Variants in NSD2 observed in about 807,000 individuals in gnomAD.
NSD2 encodes the protein nuclear receptor binding SET domain protein 2, also known as histone-lysine N-methyltransferase NSD2.
Under a neutral mutation model 139.0 loss-of-function variants are expected in NSD2, and 12 were observed. The ratio of observed to expected loss-of-function variants is 0.09; its 90% CI spans 0.06 to 0.14. NSD2 has a LOEUF of 0.14. NSD2 is among the 10% of genes least tolerant of loss of function. The probability of loss-of-function intolerance (pLI) is 1.00; values close to 1 mark genes in which losing one functional copy is unlikely to be tolerated. For missense variants in NSD2, 1,155 were observed against 1,745.0 expected (o/e 0.66, Z 6.02); for synonymous variants, 669 against 648.7 (o/e 1.03, Z -0.48).
At chr4:1,927,930 C>A (rs1306535144) in intron 5 of NSD2, among the ~76,000 whole-genome samples, 1 of 151,888 alleles carries the variant, frequency 6.6e-6, no homozygotes, top group Non-Finnish European at 1.5e-5. Flanking sequence ...CTTACTGTTT[C>A]CCAGGCTGGA....
intron 5 of NSD2, among the ~76,000 whole-genome samples, chr4:1,927,534 A>G (rs1721076113): frequency 6.6e-6 from 1 of 152,012 alleles, no homozygotes; most frequent in Non-Finnish European, 1.5e-5. Context: ...CCTGGCCCAC[A>G]TGGTGAAACC....
At position 1,980,644 on chromosome 4, in the gene NSD2, C is replaced by G. The variant is rs1016599667; in HGVS notation, c.*1735C>G. ...CTGCAGGGTCCCACGCCTCCCTGAG[C>G]ACTGACTGGAAGTTTCACTGGCTGG... On this transcript the variant is annotated 3_prime_UTR_variant, in exon 22 of 22. Coordinates refer to ENST00000508803, the MANE Select transcript of NSD2 (RefSeq NM_001042424.3). 3.9e-5 allele frequency: 9 copies of G among 233,216 alleles called. No homozygotes were observed. Among genetic ancestry groups the G allele is most frequent in the Non-Finnish European group, 7.6e-5 (9 of 118,014 alleles). 14.4% of individuals were successfully genotyped at this position (233,216 alleles called of 1,614,324 possible).
chr4:1,941,141 CCTTT>C (rs1327802993), intron 9 of NSD2: 1 of 1,053,994 alleles, frequency 9.5e-7, no homozygotes, highest in Non-Finnish European at 1.1e-6. Flanking sequence ...TTTCCTTTTT[CCTTT>C]CTTTCTTGTC....
At chr4:1,886,665 A>G (rs1577361069) in intron 1 of NSD2, among the ~76,000 whole-genome samples, 1 of 151,988 alleles carries the variant, frequency 6.6e-6, no homozygotes, top group South Asian at 2.1e-4. Context: ...CCCCGTCTCT[A>G]CTAAAATACA....
At chr4:1,947,266 A>C in intron 9 of NSD2, 1 of 1,063,106 alleles carries the variant, frequency 9.4e-7, no homozygotes, top group Non-Finnish European at 1.1e-6. Flanking sequence ...TGACAAGGGC[A>C]GGCCTTGAAT....
intron 17 of NSD2, among the ~76,000 whole-genome samples, chr4:1,960,059 G>A (rs552446858): frequency 1.3e-5 from 2 of 152,120 alleles, no homozygotes; most frequent in African/African-American, 4.8e-5. Flanking sequence ...GGGTCTTGCT[G>A]TGTTGCCCAG....
Position 1,978,999 on chromosome 4 carries a change from AC to A in NSD2, c.*93del, listed in dbSNP as rs1727459908. 1.4e-6 allele frequency: 2 copies of A among 1,416,134 alleles called. No homozygotes were observed. The highest frequency in any genetic ancestry group is 9.2e-7 in the Non-Finnish European group (1 of 1,082,894). The allele number at this position is 1,416,134 out of a possible 1,614,324, so 87.7% of individuals were successfully genotyped here. On this transcript the variant is annotated 3_prime_UTR_variant, in exon 22 of 22. Transcript: ENST00000508803. ...GGGCGAGCATGAACTGGCCCGGAGG[AC>A]CCAGCTCGAGCCGCCAGGACACAGA...
rs995558193 is a variant in NSD2 at position 1,979,205 on chromosome 4, A to AT, written c.*303dup. The AT allele has an allele frequency of 8.6e-6, 3 of 349,060 alleles. No individual in the cohort carries two copies. The highest frequency in any genetic ancestry group is 1.3e-4 in the South Asian group (1 of 7,926). The allele number at this position is 349,060 out of a possible 1,614,324, so 21.6% of individuals were successfully genotyped here. ...GAATGTCAAGGTTCCCTCCCACTCT[A>AT]TTTTTTTAGGTTAAAGTTAATTGGC... On this transcript the variant is annotated 3_prime_UTR_variant, in exon 22 of 22. Transcript: ENST00000508803.
rs1236254489 is a variant in NSD2 at position 1,952,125 on chromosome 4, C to T, written c.2031C>T (p.Gly677=). The change falls in exon 11 of 22, where the codon GGC becomes GGT. Residue 677 remains glycine, a synonymous_variant. Transcript: ENST00000508803. The stretch of plus-strand genomic sequence containing the variant: ...CCCCGCAGCTGTGTGAGAAGCCGGG[C>T]AGCCTCCTGCTCTGTGAAGGACCCT... ...EYVCQLCEKP[G]SLLLCEGPCC... 1.2e-6 allele frequency: 2 copies of T among 1,613,930 alleles called. No individual in the cohort carries two copies. Among genetic ancestry groups the T allele is most frequent in the Admixed American group, 1.7e-5 (1 of 59,998 alleles).
intron 2 of NSD2, among the ~76,000 whole-genome samples, chr4:1,903,549 A>G (rs982016051): frequency 6.6e-6 from 1 of 152,150 alleles, no homozygotes; most frequent in African/African-American, 2.4e-5. Flanking sequence ...CTGGAGGGGC[A>G]GAAGTCAGTA....
chr4:1,897,174 GAA>G (rs34685080), intron 1 of NSD2, among the ~76,000 whole-genome samples: 40 of 146,256 alleles, frequency 2.7e-4, no homozygotes, highest in East Asian at 4.0e-4. Context: ...TGTCTCAAAG[GAA>G]AAAAAAAAAA....
intron 5 of NSD2, among the ~76,000 whole-genome samples, chr4:1,929,486 C>G (rs1721375063): frequency 2.0e-5 from 3 of 152,166 alleles, no homozygotes; most frequent in Admixed American, 1.3e-4. Flanking sequence ...AGCATCAGAG[C>G]TGGTTGGTGC....
At chr4:1,940,558 A>T (rs954861052) in intron 9 of NSD2, 2 of 1,064,298 alleles carry the variant, frequency 1.9e-6, no homozygotes, top group Non-Finnish European at 2.3e-6. Context: ...GATTACCTTC[A>T]TAGAGCTTTG....
rs147949167 is a variant in NSD2 at position 1,923,993 on chromosome 4, G to A, written c.1410+5370G>A. 3.1e-4 allele frequency among the ~76,000 whole-genome samples: 47 copies of A among 152,286 alleles called. 1 individual carries two copies. The East Asian group carries it at 8.5e-3, about 28-fold the overall frequency. On this transcript the variant is annotated intron_variant, in intron 5 of 21. Coordinates refer to ENST00000508803, the MANE Select transcript of NSD2 (RefSeq NM_001042424.3). The stretch of plus-strand genomic sequence containing the variant: ...TAAGTGGGCAGCTGTGAAGGTATGT[G>A]CCTCTCTCCAGGAGCCAAGAGGTCT...
chr4:1,876,702 A>G (rs1293751858), intron 1 of NSD2, among the ~76,000 whole-genome samples: 1 of 152,096 alleles, frequency 6.6e-6, no homozygotes, highest in Admixed American at 6.6e-5. Flanking sequence ...AAACAAACCT[A>G]AACACAAAAC....
rs1350533606 is a variant in NSD2 at position 1,979,599 on chromosome 4, C to G, written c.*690C>G. 1 of 232,670 alleles carries G rather than the reference C, an allele frequency of 4.3e-6. No individual in the cohort carries two copies. The allele number at this position is 232,670 out of a possible 1,614,324, so 14.4% of individuals were successfully genotyped here. ...GAAATGCCAATAACACGTCCACTTT[C>G]AACGTGTAGTTTACGCGGAGCACTT... is the stretch of plus-strand genomic sequence containing the variant. On this transcript the variant is annotated 3_prime_UTR_variant, in exon 22 of 22. Coordinates refer to ENST00000508803, the MANE Select transcript of NSD2 (RefSeq NM_001042424.3).
chr4:1,915,174 G>T (rs1364518800), intron 3 of NSD2, among the ~76,000 whole-genome samples: 1 of 137,460 alleles, frequency 7.3e-6, no homozygotes, highest in Non-Finnish European at 1.5e-5. Flanking sequence ...GGAGTGCAGT[G>T]GCGCAGTCTC....
intron 5 of NSD2, 98 bp downstream of exon 5, chr4:1,918,721 C>CT: frequency 6.8e-7 from 1 of 1,468,042 alleles, no homozygotes; most frequent in Non-Finnish European, 9.2e-7. Flanking sequence ...TCAGGAGACT[C>CT]TAACATGAGC....
At chr4:1,884,413 A>T (rs1402388004) in intron 1 of NSD2, among the ~76,000 whole-genome samples, 1 of 151,096 alleles carries the variant, frequency 6.6e-6, no homozygotes, top group African/African-American at 2.4e-5. Context: ...CTTTTTTTTG[A>T]GACGGAGTTG....
Sources: allele counts gnomAD v4.1 joint callset (sites outside exome capture counted in the v4.1 genomes callset), GRCh38; gene constraint gnomAD v4.1.1; transcripts MANE v1.5; gene names NCBI Gene and HGNC (gene_info 2026-07-23, HGNC 2026-07-21).